Variants in CDK5R2 observed in about 807,000 individuals in gnomAD.
The protein encoded by CDK5R2 is cyclin-dependent kinase 5 activator 2.
Under a neutral mutation model 23.1 loss-of-function variants are expected in CDK5R2, and 7 were observed. The observed-to-expected ratio is 0.30, with a 90% CI of 0.17 to 0.57. The LOEUF is 0.57. CDK5R2 is among the 20% of genes least tolerant of loss of function. The pLI, the probability that CDK5R2 is intolerant of heterozygous loss-of-function variation, is 0.91. For missense variants in CDK5R2, 380 were observed against 537.6 expected, an observed-to-expected ratio of 0.71 and a Z score of 2.90; for synonymous variants, 242 against 264.9, an observed-to-expected ratio of 0.91 and a Z score of 0.84.
Position 218,959,937 on chromosome 2 carries a change from CG to C in CDK5R2, c.121del (p.Ala41ArgfsTer43). ...PAGDEALGGY[G>X]APPVGKGGKG... ...CGGGGGACGAGGCGCTGGGGGGCTA[CG>C]GGGCGCCGCCAGTGGGCAAGGGCGG... On this transcript the variant is annotated frameshift_variant, in exon 1 of 1. Transcript: ENST00000302625. LOFTEE classifies it high-confidence loss of function. This position sits in a 1 kb window ranked among gnomAD's most constrained non-coding sequence, Gnocchi z 4.0. 6.6e-7 allele frequency: 1 copy of C among 1,513,636 alleles called. No individual in the cohort carries two copies. 93.8% of individuals were successfully genotyped at this position (1,513,636 alleles called of 1,614,324 possible).
chr2:218,960,804 G>A lies in CDK5R2; in HGVS notation c.984G>A (p.Glu328=), dbSNP rs1230343769. Residue 328 remains glutamate (E), a synonymous_variant, in exon 1 of 1, where the codon GAG becomes GAA. Transcript: ENST00000302625. The part of the protein sequence containing the change: ...FTQVFQDLKN[E]GEAAASGGGP... ...AGGTCTTTCAAGACCTCAAGAACGA[G>A]GGCGAGGCCGCCGCCAGCGGCGGGG... 5 of 1,589,836 alleles carry A rather than the reference G, an allele frequency of 3.1e-6. No individual in the cohort carries two copies. The highest frequency in any genetic ancestry group is 3.4e-6 in the Non-Finnish European group (4 of 1,172,652).
In CDK5R2 at chr2:218,960,027, G is replaced by A; in HGVS notation, c.207G>A (p.Leu69=). ...VLISALTWKR[L]VAASAKKKKG... ...TCTCGGCGCTCACCTGGAAGCGCCT[G>A]GTGGCCGCGTCCGCCAAGAAGAAGA... The change falls in exon 1 of 1, where the codon CTG becomes CTA. Residue 69 remains leucine, a synonymous_variant. Coordinates refer to ENST00000302625, the MANE Select transcript of CDK5R2 (RefSeq NM_003936.5). 2 of 1,593,374 alleles carry A rather than the reference G, an allele frequency of 1.3e-6. No individual in the cohort carries two copies. Among genetic ancestry groups the A allele is most frequent in the African/African-American group, 1.4e-5 (1 of 73,478 alleles).
chr2:218,960,270 G>A lies in CDK5R2; in HGVS notation c.450G>A (p.Ser150=), dbSNP rs75803206. 123 of 1,282,906 alleles carry A rather than the reference G, an allele frequency of 9.6e-5. No individual in the cohort carries two copies. The highest frequency in any genetic ancestry group is 1.2e-4 in the Non-Finnish European group (119 of 1,023,040). 79.5% of individuals were successfully genotyped at this position (1,282,906 alleles called of 1,614,324 possible). The change falls in exon 1 of 1, where the codon TCG becomes TCA. Residue 150 remains serine, a synonymous_variant. Transcript: ENST00000302625. ...GGSAAAQPPG[S]GGGKPPPPPP... is the part of the protein sequence containing the mutation. ...GCGCGGCCGCTCAGCCGCCGGGCTCGGGCGGGGGAAAGCCTCCGCCGCCGC... is the reference window on the plus strand; with the variant it reads ...GCGCGGCCGCTCAGCCGCCGGGCTCAGGCGGGGGAAAGCCTCCGCCGCCGC...
Position 218,960,880 on chromosome 2 carries a change from T to A in CDK5R2, c.1060T>A (p.Cys354Ser). The A allele has an allele frequency of 1.4e-6, 2 of 1,472,596 alleles. No homozygotes were observed. Among genetic ancestry groups the A allele is most frequent in the Non-Finnish European group, 1.8e-6 (2 of 1,124,106 alleles). 91.2% of individuals were successfully genotyped at this position (1,472,596 alleles called of 1,614,324 possible). A position where few individuals can be genotyped will look rare whatever the true frequency, so the allele number is the denominator to read the frequency against. The change falls in exon 1 of 1, where the codon TGC becomes AGC. Residue 354 changes from cysteine (C) to serine (S), a missense_variant. By Grantham distance (112) the Cys-to-Ser change is moderately radical. This residue lies in a region of CDK5R2 where 59 missense variants were observed against 55.7 expected (regional missense o/e 1.06). Coordinates refer to ENST00000302625, the MANE Select transcript of CDK5R2 (RefSeq NM_003936.5). ...CGCCTCCTCGGCCGCCAGGGACAGCTGCGCGGCCGGAACCAAGCACTGGAC... is the reference window on the plus strand; with the variant it reads ...CGCCTCCTCGGCCGCCAGGGACAGCAGCGCGGCCGGAACCAAGCACTGGAC... Reference protein sequence around the residue: ...PAASSAARDSCAAGTKHWTMN... With the variant: ...PAASSAARDSSAAGTKHWTMN...
chr2:218,960,075 C>G lies in CDK5R2; in HGVS notation c.255C>G (p.Pro85=). The G allele has an allele frequency of 6.2e-7, 1 of 1,602,490 alleles. No homozygotes were observed. The highest frequency in any genetic ancestry group is 8.5e-7 in the Non-Finnish European group (1 of 1,175,674). The change falls in exon 1 of 1, where the codon CCC becomes CCG. Residue 85 remains proline, a synonymous_variant. Transcript: ENST00000302625. ...KKKKGSKKVT[P]KPASTGPDPL... is the part of the protein sequence containing the mutation. ...AGAAAGGCAGCAAGAAGGTGACACC[C>G]AAGCCGGCATCCACGGGCCCCGACC...
Position 218,960,473 on chromosome 2 carries a change from G to A in CDK5R2, c.653G>A (p.Arg218His), listed in dbSNP as rs1447956230. The stretch of plus-strand genomic sequence containing the variant: ...GTGGGCTGGTTCCGCGGTGTGGACC[G>A]CTCGCTGCTGCTGCAGGGCTGGCAA... ...ELVGWFRGVD[R>H]SLLLQGWQDQ... Residue 218 changes from arginine (R) to histidine (H), a missense_variant, in exon 1 of 1, where the codon CGC becomes CAC. Around this residue, in one of 3 missense-constraint regions of CDK5R2, gnomAD observed 124 missense variants for 235.5 expected, o/e 0.53. Coordinates refer to ENST00000302625, the MANE Select transcript of CDK5R2 (RefSeq NM_003936.5). 1.2e-6 allele frequency: 2 copies of A among 1,613,228 alleles called. No homozygotes were observed. The highest frequency in any genetic ancestry group is 1.7e-6 in the Non-Finnish European group (2 of 1,179,872).
chr2:218,961,326 T>G lies in CDK5R2; in HGVS notation c.*402T>G. ...TCTCTCTCTCTCCCTCTCTCTCCTG[T>G]TCCTCTCTTTCTTCCTCCCTCTCCC... On this transcript the variant is annotated 3_prime_UTR_variant, in exon 1 of 1. Transcript: ENST00000302625. This position sits in a 1 kb window ranked among gnomAD's most constrained non-coding sequence, Gnocchi z 4.4. The G allele has an allele frequency of 5.5e-5, 10 of 181,896 alleles. No homozygotes were observed. The highest frequency in any genetic ancestry group is 1.7e-4 in the East Asian group (1 of 5,846). The allele number at this position is 181,896 out of a possible 1,614,324, so 11.3% of individuals were successfully genotyped here.
Position 218,961,361 on chromosome 2 carries a change from AT to A in CDK5R2, c.*441del. 6.4e-6 allele frequency: 1 copy of A among 156,806 alleles called. No homozygotes were observed. The highest frequency in any genetic ancestry group is 1.5e-5 in the Non-Finnish European group (1 of 68,628). 9.7% of individuals were successfully genotyped at this position (156,806 alleles called of 1,614,324 possible). On this transcript the variant is annotated 3_prime_UTR_variant, in exon 1 of 1. Coordinates refer to ENST00000302625, the MANE Select transcript of CDK5R2 (RefSeq NM_003936.5). This position sits in a 1 kb window ranked among gnomAD's most constrained non-coding sequence, Gnocchi z 4.4. ...TCTTCCTCCCTCTCCCTGCCTTTCC[AT>A]TTTCCGTTCCTTGGGTTTGTGTGTC...
rs1056774483 is a variant in CDK5R2 at position 218,961,355 on chromosome 2, C to T, written c.*431C>T. The T allele has an allele frequency of 5.6e-6, 1 of 177,100 alleles. No individual in the cohort carries two copies. The highest frequency in any genetic ancestry group is 1.3e-5 in the Non-Finnish European group (1 of 75,592). 11.0% of individuals were successfully genotyped at this position (177,100 alleles called of 1,614,324 possible). A position where few individuals can be genotyped will look rare whatever the true frequency, so the allele number is the denominator to read the frequency against. On this transcript the variant is annotated 3_prime_UTR_variant, in exon 1 of 1. Coordinates refer to ENST00000302625, the MANE Select transcript of CDK5R2 (RefSeq NM_003936.5). The surrounding 1 kb of genome is among the most constrained non-coding windows in gnomAD (Gnocchi z 4.4). Reference sequence around the variant, plus strand: ...TCTCTTTCTTCCTCCCTCTCCCTGCCTTTCCATTTTCCGTTCCTTGGGTTT... The same window carrying T: ...TCTCTTTCTTCCTCCCTCTCCCTGCTTTTCCATTTTCCGTTCCTTGGGTTT...
In CDK5R2 at chr2:218,960,121, C is replaced by T. The variant is rs749574562; in HGVS notation, c.301C>T (p.Arg101Cys). The change falls in exon 1 of 1, where the codon CGC (arginine) becomes TGC (cysteine). Residue 101 changes from arginine to cysteine, a missense_variant. Physicochemically the swap from Arg to Cys is radical, Grantham distance 180 (BLOSUM62 -3). This residue lies in a region of CDK5R2 where 197 missense variants were observed against 246.4 expected (regional missense o/e 0.80). Transcript: ENST00000302625. ...CGACCCCCTGGTCCAGCAACGCAAC[C>T]GCGAGAACCTTCTCCGCAAGGGCCG... Reference protein sequence around the residue: ...GPDPLVQQRNRENLLRKGRDP... With the variant: ...GPDPLVQQRNCENLLRKGRDP... 1.3e-6 allele frequency: 2 copies of T among 1,593,862 alleles called. No individual in the cohort carries two copies. Among genetic ancestry groups the T allele is most frequent in the Non-Finnish European group, 1.7e-6 (2 of 1,172,256 alleles).
chr2:218,960,434 G>C lies in CDK5R2; in HGVS notation c.614G>C (p.Ser205Thr). The change falls in exon 1 of 1, where the codon AGC (serine) becomes ACC (threonine). Residue 205 changes from serine (S) to threonine (T), a missense_variant. Around this residue, in one of 3 missense-constraint regions of CDK5R2, gnomAD observed 124 missense variants for 235.5 expected, o/e 0.53. Coordinates refer to ENST00000302625, the MANE Select transcript of CDK5R2 (RefSeq NM_003936.5). ...CGCTGCTATCGCCTCAAGGAGCTGAGCCCGGGCGAGCTGGTGGGCTGGTTC... is the reference window on the plus strand; with the variant it reads ...CGCTGCTATCGCCTCAAGGAGCTGACCCCGGGCGAGCTGGTGGGCTGGTTC... Reference protein sequence around the residue: ...CRRCYRLKELSPGELVGWFRG... With the variant: ...CRRCYRLKELTPGELVGWFRG... 1 of 1,611,030 alleles carries C rather than the reference G, an allele frequency of 6.2e-7. No homozygotes were observed. The highest frequency in any genetic ancestry group is 1.3e-5 in the African/African-American group (1 of 75,042).
rs1445914635 is a variant in CDK5R2, at chr2:218,961,918, C to T, written c.*994C>T. ...GCTTTTTTGTTGCTCCTCCCCACTG[C>T]CCCTTTTAATTTATTTGGTTGTTTG... On this transcript the variant is annotated 3_prime_UTR_variant, in exon 1 of 1. Transcript: ENST00000302625. The surrounding 1 kb of genome is among the most constrained non-coding windows in gnomAD (Gnocchi z 4.4). The T allele has an allele frequency of 2.4e-5, 4 of 167,144 alleles. No individual in the cohort carries two copies. The highest frequency in any genetic ancestry group is 9.7e-5 in the African/African-American group (4 of 41,390). 10.4% of individuals were successfully genotyped at this position (167,144 alleles called of 1,614,324 possible).
chr2:218,961,000 C>G lies in CDK5R2; in HGVS notation c.*76C>G, dbSNP rs1945200973. The G allele has an allele frequency of 1.4e-6, 1 of 737,174 alleles. No homozygotes were observed. Among genetic ancestry groups the G allele is most frequent in the Non-Finnish European group, 2.0e-6 (1 of 497,450 alleles). 45.7% of individuals were successfully genotyped at this position (737,174 alleles called of 1,614,324 possible). Reference sequence around the variant, plus strand: ...CGGACCCCCCGGGACCACAAAGCCACCGCCGCTGTTACCGCCGCTCAGCGC... The same window carrying G: ...CGGACCCCCCGGGACCACAAAGCCAGCGCCGCTGTTACCGCCGCTCAGCGC... On this transcript the variant is annotated 3_prime_UTR_variant, in exon 1 of 1. Coordinates refer to ENST00000302625, the MANE Select transcript of CDK5R2 (RefSeq NM_003936.5).
chr2:218,960,154 C>G lies in CDK5R2; in HGVS notation c.334C>G (p.Pro112Ala). The G allele has an allele frequency of 6.4e-7, 1 of 1,558,106 alleles. No homozygotes were observed. Among genetic ancestry groups the G allele is most frequent in the African/African-American group, 1.4e-5 (1 of 71,070 alleles). The change falls in exon 1 of 1, where the codon CCC (proline) becomes GCC (alanine). Residue 112 changes from proline (P) to alanine (A), a missense_variant. Pro to Ala is a conservative substitution (Grantham distance 27). Transcript: ENST00000302625. ...CCTTCTCCGCAAGGGCCGGGATCCC[C>G]CCGACGGCGGCGGCACCGCCAAGCC... Reference protein sequence around the residue: ...ENLLRKGRDPPDGGGTAKPLA... With the variant: ...ENLLRKGRDPADGGGTAKPLA...
Position 218,960,082 on chromosome 2 carries a change from G to A in CDK5R2, c.262G>A (p.Ala88Thr). 1.2e-6 allele frequency: 2 copies of A among 1,602,234 alleles called. 1 individual carries two copies. Among genetic ancestry groups the A allele is most frequent in the South Asian group, 2.2e-5 (2 of 89,054 alleles). ...CAGCAAGAAGGTGACACCCAAGCCG[G>A]CATCCACGGGCCCCGACCCCCTGGT... ...KGSKKVTPKPASTGPDPLVQQ... is the reference protein window; with the variant it reads ...KGSKKVTPKPTSTGPDPLVQQ... Residue 88 changes from alanine to threonine, a missense_variant, in exon 1 of 1, where the codon GCA (alanine) becomes ACA (threonine). This residue lies in a region of CDK5R2 where 197 missense variants were observed against 246.4 expected (regional missense o/e 0.80). Coordinates refer to ENST00000302625, the MANE Select transcript of CDK5R2 (RefSeq NM_003936.5).
At position 218,960,673 on chromosome 2, in the gene CDK5R2, C is replaced by G; in HGVS notation, c.853C>G (p.Leu285Val). The G allele has an allele frequency of 1.2e-6, 2 of 1,614,084 alleles. No homozygotes were observed. The highest frequency in any genetic ancestry group is 1.7e-6 in the Non-Finnish European group (2 of 1,179,950). Reference sequence around the variant, plus strand: ...GATCTCCTACCCACTCAAGCCCTTCCTCGTGGAGCCCGACAAGGAGCGCTT... The same window carrying G: ...GATCTCCTACCCACTCAAGCCCTTCGTCGTGGAGCCCGACAAGGAGCGCTT... Reference protein sequence around the residue: ...NEISYPLKPFLVEPDKERFWQ... With the variant: ...NEISYPLKPFVVEPDKERFWQ... Residue 285 changes from leucine (L) to valine (V), a missense_variant, in exon 1 of 1, where the codon CTC becomes GTC. By Grantham distance (32) the Leu-to-Val change is conservative. This residue lies in a region of CDK5R2 where 124 missense variants were observed against 235.5 expected (regional missense o/e 0.53). Coordinates refer to ENST00000302625, the MANE Select transcript of CDK5R2 (RefSeq NM_003936.5).
rs995381580 is a variant in CDK5R2 at position 218,959,669 on chromosome 2, G to C, written c.-152G>C. 5 of 955,884 alleles carry C rather than the reference G, an allele frequency of 5.2e-6. No individual in the cohort carries two copies. The African/African-American group carries it at 8.5e-5, about 16-fold the overall frequency. 59.2% of individuals were successfully genotyped at this position (955,884 alleles called of 1,614,324 possible). A position where few individuals can be genotyped will look rare whatever the true frequency, so the allele number is the denominator to read the frequency against. On this transcript the variant is annotated 5_prime_UTR_variant, in exon 1 of 1. Coordinates refer to ENST00000302625, the MANE Select transcript of CDK5R2 (RefSeq NM_003936.5). This position sits in a 1 kb window ranked among gnomAD's most constrained non-coding sequence, Gnocchi z 4.0. ...GCAGCTGGCGCAGCTCAGGATTAGAGCAGCGGAGCCGCCTAGCAGCCACCT... is the reference window on the plus strand; with the variant it reads ...GCAGCTGGCGCAGCTCAGGATTAGACCAGCGGAGCCGCCTAGCAGCCACCT...
In CDK5R2 at chr2:218,959,749, C is replaced by A; in HGVS notation, c.-72C>A. 8.2e-7 allele frequency: 1 copy of A among 1,226,874 alleles called. No homozygotes were observed. Among genetic ancestry groups the A allele is most frequent in the Non-Finnish European group, 1.0e-6 (1 of 985,652 alleles). 76.0% of individuals were successfully genotyped at this position (1,226,874 alleles called of 1,614,324 possible). A position where few individuals can be genotyped will look rare whatever the true frequency, so the allele number is the denominator to read the frequency against. ...GGCTAGGCCCCCCACCGCCGGGTCC[C>A]CCGGGGCTGCAGTAGCAGCGGCGCC... On this transcript the variant is annotated 5_prime_UTR_variant, in exon 1 of 1. Transcript: ENST00000302625. The surrounding 1 kb of genome is among the most constrained non-coding windows in gnomAD (Gnocchi z 4.0).
rs767053789 is a variant in CDK5R2, at chr2:218,960,241, G to T, written c.421G>T (p.Gly141Cys). Residue 141 changes from glycine to cysteine, a missense_variant, in exon 1 of 1, where the codon GGC becomes TGC. Gly to Cys is a radical substitution (Grantham distance 159). This residue lies in a region of CDK5R2 where 197 missense variants were observed against 246.4 expected (regional missense o/e 0.80). Transcript: ENST00000302625. ...AAATCEPPSG[G>C]SAAAQPPGSG... ...CGCCACCTGCGAGCCACCGTCGGGG[G>T]GCAGCGCGGCCGCTCAGCCGCCGGG... 1.5e-6 allele frequency: 2 copies of T among 1,292,230 alleles called. No individual in the cohort carries two copies. The highest frequency in any genetic ancestry group is 5.4e-5 in the South Asian group (2 of 36,974). The allele number at this position is 1,292,230 out of a possible 1,614,324, so 80.0% of individuals were successfully genotyped here. A position where few individuals can be genotyped will look rare whatever the true frequency, so the allele number is the denominator to read the frequency against.
Sources: allele counts gnomAD v4.1 joint callset, GRCh38; gene constraint gnomAD v4.1.1; regional missense constraint gnomAD v4.1.1; non-coding constraint Gnocchi (gnomAD v3.1); transcripts MANE v1.5; gene names NCBI Gene and HGNC (gene_info 2026-07-23, HGNC 2026-07-21).